PABPC4L: variants seen among roughly 807,000 people sequenced by gnomAD.
PABPC4L encodes the protein polyadenylate-binding protein 4-like.
For synonymous variants in PABPC4L, 169 were observed against 164.1 expected, an observed-to-expected ratio of 1.03 and a Z score of -0.23; for missense variants, 452 against 451.4, an observed-to-expected ratio of 1.00 and a Z score of -0.01.
At chr4:134,195,522 T>C (rs1297698535), downstream of PABPC4L, among the ~76,000 whole-genome samples, 1 of 151,848 alleles carries the variant, frequency 6.6e-6, no homozygotes, top group Non-Finnish European at 1.5e-5. Context: ...TTGGCAAAAC[T>C]TTAAAATAAG....
the PABPC4L span, among the ~76,000 whole-genome samples, chr4:134,161,408 C>T: frequency 0.45 from 68,844 of 151,726 alleles, 18,099 homozygotes; most frequent in East Asian, 0.98. Flanking sequence ...CAAGGATAAA[C>T]AAAGAATCCT....
At chr4:134,114,821 ATTAAAG>A in the PABPC4L span, among the ~76,000 whole-genome samples, 6 of 151,952 alleles carry the variant, frequency 3.9e-5, no homozygotes, top group Admixed American at 2.6e-4. Flanking sequence ...AGTTACACCA[ATTAAAG>A]TTAGAGTCAT....
the PABPC4L span, among the ~76,000 whole-genome samples, chr4:133,950,090 G>T: frequency 2.3e-4 from 35 of 152,146 alleles, no homozygotes; most frequent in Non-Finnish European, 2.9e-4. Flanking sequence ...ATGCCAAGGG[G>T]TGTGGTAATC....
the PABPC4L span, among the ~76,000 whole-genome samples, chr4:134,090,286 G>A: frequency 1.3e-5 from 2 of 151,980 alleles, no homozygotes; most frequent in Non-Finnish European, 2.9e-5. Context: ...TTGGTGTCTT[G>A]TGATTTTATA....
At chr4:134,014,996 A>G in the PABPC4L span, among the ~76,000 whole-genome samples, 4 of 151,698 alleles carry the variant, frequency 2.6e-5, no homozygotes, top group East Asian at 1.9e-4. Context: ...TCTCATTGCC[A>G]CCCTTCTTCC....
the PABPC4L span, among the ~76,000 whole-genome samples, chr4:134,112,070 A>C: frequency 4.6e-5 from 7 of 152,172 alleles, no homozygotes; most frequent in East Asian, 1.4e-3. Context: ...ATGACATAGT[A>C]AAATCTGTAC....
chr4:134,075,010 T>G, the PABPC4L span, among the ~76,000 whole-genome samples: 1 of 152,166 alleles, frequency 6.6e-6, no homozygotes, highest in African/African-American at 2.4e-5. Context: ...GGTCAGTTAA[T>G]CTCCTTGGGG....
chr4:133,950,494 T>C, the PABPC4L span, among the ~76,000 whole-genome samples: 1 of 152,176 alleles, frequency 6.6e-6, no homozygotes, highest in Non-Finnish European at 1.5e-5. Context: ...AATTCTTCAA[T>C]ATTGCATGAC....
the PABPC4L span, among the ~76,000 whole-genome samples, chr4:134,055,710 T>TA: frequency 6.6e-6 from 1 of 150,702 alleles, no homozygotes; most frequent in Admixed American, 6.7e-5. Flanking sequence ...TTTTTACATA[T>TA]ACCAGATCCT....
chr4:134,081,743 A>G, the PABPC4L span, among the ~76,000 whole-genome samples: 1 of 152,092 alleles, frequency 6.6e-6, no homozygotes, highest in Non-Finnish European at 1.5e-5. Flanking sequence ...AGAAAAAAGA[A>G]AAACCAACTA....
the PABPC4L span, among the ~76,000 whole-genome samples, chr4:134,072,744 G>C: frequency 2.0e-5 from 3 of 152,070 alleles, no homozygotes; most frequent in African/African-American, 2.4e-5. Flanking sequence ...CACATGGCTG[G>C]GGAGGCCTCA....
At chr4:134,184,405 G>A in the PABPC4L span, among the ~76,000 whole-genome samples, 1 of 151,944 alleles carries the variant, frequency 6.6e-6, no homozygotes, top group African/African-American at 2.4e-5. Context: ...AACAGACTGG[G>A]CTTCCTCCCC....
chr4:134,081,744 A>G, the PABPC4L span, among the ~76,000 whole-genome samples: 75 of 152,208 alleles, frequency 4.9e-4, 1 homozygote, highest in Non-Finnish European at 9.3e-4. Context: ...GAAAAAAGAA[A>G]AACCAACTAA....
At chr4:134,005,079 G>A in the PABPC4L span, among the ~76,000 whole-genome samples, 2 of 151,736 alleles carry the variant, frequency 1.3e-5, no homozygotes. Flanking sequence ...TAATGTAAAT[G>A]TAAAAATTGC....
At chr4:133,952,325 C>T in the PABPC4L span, among the ~76,000 whole-genome samples, 1 of 151,996 alleles carries the variant, frequency 6.6e-6, no homozygotes, top group Admixed American at 6.6e-5. Flanking sequence ...TAGGGGACGC[C>T]CAGAATGCAT....
At chr4:134,186,890 A>G in the PABPC4L span, among the ~76,000 whole-genome samples, 55 of 152,302 alleles carry the variant, frequency 3.6e-4, 1 homozygote, top group East Asian at 0.01. Context: ...AAGGATATGA[A>G]CAGAAACTCC....
the PABPC4L span, among the ~76,000 whole-genome samples, chr4:134,018,503 C>T: frequency 6.6e-6 from 1 of 152,078 alleles, no homozygotes. Context: ...CAATGCTCAC[C>T]CTCTTACCTC....
At chr4:133,996,187 G>A in the PABPC4L span, among the ~76,000 whole-genome samples, 1 of 152,106 alleles carries the variant, frequency 6.6e-6, no homozygotes, top group African/African-American at 2.4e-5. Context: ...GGTAAAGAAG[G>A]TGACGGTTCC....
chr4:134,174,806 AT>A, the PABPC4L span, among the ~76,000 whole-genome samples: 1 of 151,996 alleles, frequency 6.6e-6, no homozygotes, highest in East Asian at 1.9e-4. Context: ...ATGACCAGAA[AT>A]TTTTTATATC....
Sources: allele counts gnomAD v4.1 joint callset (sites outside exome capture counted in the v4.1 genomes callset), GRCh38; gene constraint gnomAD v4.1.1; transcripts MANE v1.5; gene names NCBI Gene and HGNC (gene_info 2026-07-23, HGNC 2026-07-21).